The following NFIA variants were observed in gnomAD, a reference collection of about 807,000 sequenced individuals.
NFIA encodes nuclear factor 1 A-type.
In NFIA, 8 loss-of-function variants were observed where a neutral mutation model predicts 62.8. That is an observed-to-expected ratio of 0.13 (90% confidence interval 0.07 to 0.23). NFIA has a LOEUF of 0.23. Among genes scored for constraint, NFIA ranks in the 10% least tolerant of loss-of-function variants. NFIA has a pLI of 1.00. For missense variants in NFIA, 410 were observed against 642.1 expected, an observed-to-expected ratio of 0.64 and a Z score of 3.91; for synonymous variants, 235 against 238.1, an observed-to-expected ratio of 0.99 and a Z score of 0.12.
At chr1:61,269,080 C>A (rs556363652) in intron 2 of NFIA, among the ~76,000 whole-genome samples, 1 of 152,140 alleles carries the variant, frequency 6.6e-6, no homozygotes, top group East Asian at 1.9e-4. Flanking sequence ...CAAGTAGAGT[C>A]CTAAAGTGTT....
chr1:61,191,937 A>C (rs553621213), intron 2 of NFIA, among the ~76,000 whole-genome samples: 48 of 148,932 alleles, frequency 3.2e-4, no homozygotes, highest in Admixed American at 9.4e-4. Flanking sequence ...TAAAAATAAC[A>C]AGTTTTGTTG....
intron 2 of NFIA, among the ~76,000 whole-genome samples, chr1:61,241,249 T>G (rs1655331494): frequency 6.6e-6 from 1 of 152,244 alleles, no homozygotes; most frequent in Non-Finnish European, 1.5e-5. Flanking sequence ...CTTTCTTTCC[T>G]TATACCTTCC....
chr1:61,219,713 CAAA>C (rs749092216), intron 2 of NFIA, among the ~76,000 whole-genome samples: 1 of 107,816 alleles, frequency 9.3e-6, no homozygotes, highest in Non-Finnish European at 1.8e-5. Context: ...GACTCCGTCT[CAAA>C]AAAAAAAAAA....
intron 10 of NFIA, among the ~76,000 whole-genome samples, chr1:61,445,937 CT>C (rs141035907): frequency 0.013 from 1,908 of 152,192 alleles, 36 homozygotes; most frequent in African/African-American, 0.044. Context: ...CATGATCTGA[CT>C]TTTTCCATAG....
At chr1:61,184,116 A>G (rs200477089) in intron 2 of NFIA, among the ~76,000 whole-genome samples, 2,026 of 112,288 alleles carry the variant, frequency 0.018, 20 homozygotes, top group African/African-American at 0.052. Context: ...TGGGGGGGGG[A>G]AAAAAAACCA....
At chr1:61,371,086 G>A (rs1375509760) in intron 6 of NFIA, among the ~76,000 whole-genome samples, 2 of 152,090 alleles carry the variant, frequency 1.3e-5, no homozygotes, top group Admixed American at 1.3e-4. Context: ...TTTGCCATCT[G>A]CCTTTCAGCC....
rs61077935 is a variant in NFIA, at chr1:61,126,437, A to AACACACACACACACAC, written c.559+37780_559+37795dup. 1.3e-3 allele frequency among the ~76,000 whole-genome samples: 94 copies of AACACACACACACACAC among 74,742 alleles called. No homozygotes were observed. The East Asian group carries it at 0.013, about 10-fold the overall frequency. 49.0% of individuals were successfully genotyped at this position (74,742 alleles called of 152,430 possible). A position where few individuals can be genotyped will look rare whatever the true frequency, so the allele number is the denominator to read the frequency against. On this transcript the variant is annotated intron_variant, in intron 2 of 10. Coordinates refer to ENST00000403491, the MANE Select transcript of NFIA (RefSeq NM_001134673.4). ...ACCTAGTTGGTTTTTTTTGAAAATG[A>AACACACACACACACAC]ACACACACACACACACACACACACA...
intron 2 of NFIA, among the ~76,000 whole-genome samples, chr1:61,126,018 A>G (rs1220525672): frequency 1.3e-5 from 2 of 152,188 alleles, no homozygotes; most frequent in African/African-American, 4.8e-5. Flanking sequence ...CTTTATCGCC[A>G]TCTCATCTGA....
intron 2 of NFIA, among the ~76,000 whole-genome samples, chr1:61,194,536 A>G (rs1003889458): frequency 2.0e-5 from 3 of 152,192 alleles, no homozygotes; most frequent in Non-Finnish European, 2.9e-5. Flanking sequence ...AAAAAATAAC[A>G]TTTTATAATT....
intron 2 of NFIA, among the ~76,000 whole-genome samples, chr1:61,089,840 A>G (rs977746818): frequency 6.6e-6 from 1 of 151,832 alleles, no homozygotes; most frequent in Non-Finnish European, 1.5e-5. Flanking sequence ...TTCTCAATAT[A>G]TGTTTTAGAA....
chr1:61,240,794 G>A (rs1175502600), intron 2 of NFIA, among the ~76,000 whole-genome samples: 2 of 151,956 alleles, frequency 1.3e-5, no homozygotes, highest in Non-Finnish European at 2.9e-5. Flanking sequence ...TTGTATTTCA[G>A]GTTTGTAGAC....
chr1:61,328,439 G>A (rs1460581620), intron 3 of NFIA, among the ~76,000 whole-genome samples: 1 of 133,062 alleles, frequency 7.5e-6, no homozygotes, highest in Non-Finnish European at 1.6e-5. Context: ...TATTTTTTTC[G>A]AGACGGAATT....
At chr1:61,148,859 C>G (rs1477422157) in intron 2 of NFIA, among the ~76,000 whole-genome samples, 1 of 152,014 alleles carries the variant, frequency 6.6e-6, no homozygotes, top group East Asian at 1.9e-4. Context: ...GGAAATTGAA[C>G]CATTCTCTTT....
chr1:61,169,457 A>C (rs1354895600), intron 2 of NFIA, among the ~76,000 whole-genome samples: 1 of 152,204 alleles, frequency 6.6e-6, no homozygotes, highest in African/African-American at 2.4e-5. Context: ...ATCTGCATTT[A>C]AAATGCTATC....
chr1:61,342,919 A>G (rs898162822), intron 4 of NFIA, among the ~76,000 whole-genome samples: 3 of 152,240 alleles, frequency 2.0e-5, no homozygotes, highest in Non-Finnish European at 2.9e-5. Context: ...TCTAAATGAG[A>G]ATAATATAAA....
chr1:61,186,451 T>C lies in NFIA; in HGVS notation c.560-91069T>C, dbSNP rs1651187140. ...AGTGTGGCGGCTCAGTACTAGGCAA[T>C]GGGCGTGCAACTGTGATGAGAAACG... On this transcript the variant is annotated intron_variant, in intron 2 of 10. Coordinates refer to ENST00000403491, the MANE Select transcript of NFIA (RefSeq NM_001134673.4). Among the ~76,000 whole-genome samples, 4 of 152,188 alleles carry C rather than the reference T, an allele frequency of 2.6e-5. No individual in the cohort carries two copies. The South Asian group carries it at 8.3e-4, about 32-fold the overall frequency.
At chr1:61,339,807 C>G (rs993641186) in intron 4 of NFIA, among the ~76,000 whole-genome samples, 2 of 152,136 alleles carry the variant, frequency 1.3e-5, no homozygotes, top group African/African-American at 4.8e-5. Flanking sequence ...TCCTATCCTA[C>G]CCTCCTCACC....
At chr1:61,203,570 A>G (rs192042568) in intron 2 of NFIA, among the ~76,000 whole-genome samples, 2 of 152,058 alleles carry the variant, frequency 1.3e-5, no homozygotes, top group African/African-American at 4.8e-5. Context: ...TAGGGAACAC[A>G]TATCTCTTCT....
At chr1:61,236,220 A>G (rs1052405099) in intron 2 of NFIA, among the ~76,000 whole-genome samples, 7 of 152,108 alleles carry the variant, frequency 4.6e-5, no homozygotes, top group African/African-American at 1.7e-4. Context: ...GTCAGTATCA[A>G]CATGGGAACA....
Sources: gnomAD v4.1 joint callset for allele counts (sites outside exome capture counted in the v4.1 genomes callset) on GRCh38, gnomAD v4.1.1 for gene constraint, MANE v1.5 for transcripts, NCBI Gene and HGNC (gene_info 2026-07-23, HGNC 2026-07-21) for gene names.